The following EFCAB11 variants were observed in gnomAD, a reference collection of about 807,000 sequenced individuals.
EFCAB11 encodes the protein EF-hand calcium-binding domain-containing protein 11.
EFCAB11 carries 14 observed loss-of-function variants against 23.0 expected under a neutral mutation model. The observed-to-expected ratio is 0.61, with a 90% CI of 0.40 to 0.95. The LOEUF is 0.95. Among genes scored for constraint, EFCAB11 ranks in the 40% least tolerant of loss-of-function variants. The probability of loss-of-function intolerance (pLI) is 0.00; values close to 1 mark genes in which losing one functional copy is unlikely to be tolerated. For synonymous variants in EFCAB11, 65 were observed against 66.6 expected, an observed-to-expected ratio of 0.98 and a Z score of 0.11; for missense variants, 198 against 195.8, an observed-to-expected ratio of 1.01 and a Z score of -0.07.
At chr14:89,885,346 C>T (rs1483710487) in intron 5 of EFCAB11, among the ~76,000 whole-genome samples, 1 of 152,074 alleles carries the variant, frequency 6.6e-6, no homozygotes, top group Non-Finnish European at 1.5e-5. Flanking sequence ...TCAGTTCTCC[C>T]CAAATTGATC....
At chr14:89,916,158 A>G (rs1786181432) in intron 5 of EFCAB11, among the ~76,000 whole-genome samples, 1 of 77,212 alleles carries the variant, frequency 1.3e-5, no homozygotes, top group Admixed American at 1.5e-4. Flanking sequence ...ATGGCTCAGA[A>G]AAAAAAAAAA....
At chr14:89,903,573 A>G (rs112122330) in intron 5 of EFCAB11, among the ~76,000 whole-genome samples, 2 of 150,222 alleles carry the variant, frequency 1.3e-5, no homozygotes, top group African/African-American at 4.9e-5. Context: ...GTAAAAGAGA[A>G]GGGGGGGGGC....
intron 5 of EFCAB11, among the ~76,000 whole-genome samples, chr14:89,835,563 AT>A (rs1887045770): frequency 7.2e-6 from 1 of 139,516 alleles, no homozygotes; most frequent in African/African-American, 2.8e-5. Context: ...AGCATTTTGG[AT>A]TTCAGATTAG....
At chr14:89,879,922 G>A (rs182132761) in intron 5 of EFCAB11, among the ~76,000 whole-genome samples, 5 of 152,216 alleles carry the variant, frequency 3.3e-5, no homozygotes, top group East Asian at 1.9e-4. Flanking sequence ...AATTCATTAC[G>A]TATAAACTCT....
rs910890007 is a variant in EFCAB11 at position 89,795,092 on chromosome 14, C to T, written c.*2151G>A. Reference sequence around the variant, plus strand: ...TCCCAGGTTCATGCTATTCTCCTGCCTCAGCCTCCCGAGCAGCTGGGACTA... The same window carrying T: ...TCCCAGGTTCATGCTATTCTCCTGCTTCAGCCTCCCGAGCAGCTGGGACTA... On this transcript the variant is annotated 3_prime_UTR_variant, in exon 6 of 6. Coordinates refer to ENST00000316738, the MANE Select transcript of EFCAB11 (RefSeq NM_145231.4). 7.3e-5 allele frequency: 11 copies of T among 150,842 alleles called. No homozygotes were observed. The highest frequency in any genetic ancestry group is 2.4e-4 in the African/African-American group (10 of 41,012). The allele number at this position is 150,842 out of a possible 1,614,324, so 9.3% of individuals were successfully genotyped here.
intron 5 of EFCAB11, chr14:89,923,775 A>G (rs1890094327): frequency 3.0e-6 from 3 of 985,284 alleles, no homozygotes; most frequent in Non-Finnish European, 3.6e-6. Flanking sequence ...AGCACAAAAT[A>G]ATGACTGGAA....
chr14:89,826,277 T>C (rs1410470195), intron 5 of EFCAB11, among the ~76,000 whole-genome samples: 18 of 152,090 alleles, frequency 1.2e-4, no homozygotes, highest in Non-Finnish European at 2.9e-5. Flanking sequence ...TTGCTTTAAA[T>C]AGGGAGGGTT....
chr14:89,911,816 G>C (rs1477424958), intron 5 of EFCAB11, among the ~76,000 whole-genome samples: 1 of 152,188 alleles, frequency 6.6e-6, no homozygotes, highest in Non-Finnish European at 1.5e-5. Context: ...TAGTAGTCAT[G>C]GCAATAGAAA....
chr14:89,926,003 T>A (rs1273799628), intron 5 of EFCAB11, among the ~76,000 whole-genome samples: 1 of 152,102 alleles, frequency 6.6e-6, no homozygotes, highest in Non-Finnish European at 1.5e-5. Context: ...TAATTTTTTT[T>A]ATTTTTAGTA....
intron 5 of EFCAB11, among the ~76,000 whole-genome samples, chr14:89,852,262 T>G (rs1163965683): frequency 6.6e-6 from 1 of 152,208 alleles, no homozygotes; most frequent in Admixed American, 6.5e-5. Flanking sequence ...CAGAAGTTAA[T>G]CAGTTAATCT....
chr14:89,858,025 A>C (rs1887807970), intron 5 of EFCAB11, among the ~76,000 whole-genome samples: 1 of 152,228 alleles, frequency 6.6e-6, no homozygotes, highest in South Asian at 2.1e-4. Context: ...AGCAAACAGA[A>C]TCTAATGGTA....
intron 5 of EFCAB11, chr14:89,848,488 G>C (rs1006389048): frequency 1.3e-5 from 2 of 152,192 alleles, no homozygotes; most frequent in Admixed American, 1.3e-4. Context: ...TGTCTTGAGA[G>C]CCTGCATAAG....
chr14:89,832,800 G>A (rs1886928607), intron 5 of EFCAB11, among the ~76,000 whole-genome samples: 1 of 152,106 alleles, frequency 6.6e-6, no homozygotes, highest in South Asian at 2.1e-4. Flanking sequence ...AAAACAGAAA[G>A]GCTGTGTGGG....
At chr14:89,902,286 A>G (rs1236387671) in intron 5 of EFCAB11, among the ~76,000 whole-genome samples, 1 of 151,768 alleles carries the variant, frequency 6.6e-6, no homozygotes, top group Admixed American at 6.6e-5. Context: ...ATTTTAAGCA[A>G]CCCCTTCCCC....
At chr14:89,879,008 A>G (rs1307245249) in intron 5 of EFCAB11, among the ~76,000 whole-genome samples, 2 of 152,092 alleles carry the variant, frequency 1.3e-5, no homozygotes, top group Non-Finnish European at 2.9e-5. Flanking sequence ...TGTTTGAATT[A>G]ACCCAAAATG....
intron 5 of EFCAB11, among the ~76,000 whole-genome samples, chr14:89,868,572 C>G (rs1888170699): frequency 6.6e-6 from 1 of 152,168 alleles, no homozygotes; most frequent in Non-Finnish European, 1.5e-5. Context: ...TCTGCAGCAC[C>G]CAGTGAGTAC....
chr14:89,814,315 C>A (rs1886254122), intron 5 of EFCAB11, among the ~76,000 whole-genome samples: 1 of 152,090 alleles, frequency 6.6e-6, no homozygotes, highest in Non-Finnish European at 1.5e-5. Context: ...TCCGCTGGGA[C>A]AAAGGGCTCT....
chr14:89,798,940 C>T (rs906720906), intron 5 of EFCAB11, among the ~76,000 whole-genome samples: 1 of 152,158 alleles, frequency 6.6e-6, no homozygotes, highest in African/African-American at 2.4e-5. Context: ...GCACCCAGTA[C>T]CACGCCTGGC....
intron 5 of EFCAB11, among the ~76,000 whole-genome samples, chr14:89,851,898 T>C (rs147542612): frequency 9.6e-4 from 146 of 152,284 alleles, no homozygotes; most frequent in Middle Eastern, 3.4e-3. Flanking sequence ...CTACAGGTCA[T>C]AGGGCACGAA....
Sources: gnomAD v4.1 joint callset for allele counts (sites outside exome capture counted in the v4.1 genomes callset) on GRCh38, gnomAD v4.1.1 for gene constraint, MANE v1.5 for transcripts, NCBI Gene and HGNC (gene_info 2026-07-23, HGNC 2026-07-21) for gene names.